The following CTNNBL1 variants were observed in gnomAD, a reference collection of about 807,000 sequenced individuals.
The protein encoded by CTNNBL1 is beta-catenin-like protein 1.
In CTNNBL1, 31 loss-of-function variants were observed where a neutral mutation model predicts 72.7. The ratio of observed to expected loss-of-function variants is 0.43; its 90% CI spans 0.32 to 0.58. The LOEUF (loss-of-function observed/expected upper bound fraction) is 0.58. CTNNBL1 is among the 20% of genes least tolerant of loss of function. CTNNBL1 has a pLI of 0.08. For missense variants in CTNNBL1, 534 were observed against 725.1 expected, an observed-to-expected ratio of 0.74 and a Z score of 3.03; for synonymous variants, 240 against 267.3, an observed-to-expected ratio of 0.90 and a Z score of 1.00.
At chr20:37,851,596 A>G (rs1433667928) in intron 13 of CTNNBL1, among the ~76,000 whole-genome samples, 2 of 152,238 alleles carry the variant, frequency 1.3e-5, no homozygotes, top group Non-Finnish European at 2.9e-5. Flanking sequence ...AGCCTTGGAA[A>G]CAAATTTGCA....
At chr20:37,762,676 T>C (rs904061798) in intron 5 of CTNNBL1, among the ~76,000 whole-genome samples, 4 of 152,166 alleles carry the variant, frequency 2.6e-5, no homozygotes, top group African/African-American at 9.7e-5. Context: ...TTAGAGGGAA[T>C]AGAATAGAAT....
At chr20:37,852,198 G>A (rs530812272) in intron 13 of CTNNBL1, among the ~76,000 whole-genome samples, 2 of 152,294 alleles carry the variant, frequency 1.3e-5, no homozygotes, top group African/African-American at 4.8e-5. Flanking sequence ...TTCAGATACA[G>A]TCCAACGTAC....
chr20:37,806,310 C>T (rs752571056), intron 11 of CTNNBL1, among the ~76,000 whole-genome samples: 2 of 152,130 alleles, frequency 1.3e-5, no homozygotes, highest in Non-Finnish European at 1.5e-5. Context: ...GAGAGCTACC[C>T]CACACTCTTC....
At chr20:37,846,876 T>C (rs2072351391) in intron 13 of CTNNBL1, among the ~76,000 whole-genome samples, 1 of 152,174 alleles carries the variant, frequency 6.6e-6, no homozygotes. Context: ...AAGAGAGCCC[T>C]ATCTCCCTAG....
intron 1 of CTNNBL1, among the ~76,000 whole-genome samples, chr20:37,714,459 T>C (rs570344492): frequency 1.3e-5 from 2 of 152,358 alleles, no homozygotes; most frequent in South Asian, 4.1e-4. Flanking sequence ...TGAATGATAG[T>C]AGCCCTAGTC....
intron 15 of CTNNBL1, among the ~76,000 whole-genome samples, chr20:37,869,458 A>G (rs905065434): frequency 1.3e-5 from 2 of 152,346 alleles, no homozygotes; most frequent in Non-Finnish European, 2.9e-5. Context: ...CAGCCATCCT[A>G]GTCACCCACT....
intron 15 of CTNNBL1, among the ~76,000 whole-genome samples, chr20:37,861,983 G>C (rs923362811): frequency 2.2e-4 from 34 of 152,188 alleles, no homozygotes; most frequent in African/African-American, 8.0e-4. Flanking sequence ...GAAGGCATAG[G>C]GGCTGGAAAT....
At chr20:37,711,263 G>C (rs1439797614) in intron 1 of CTNNBL1, among the ~76,000 whole-genome samples, 8 of 152,096 alleles carry the variant, frequency 5.3e-5, no homozygotes, top group Admixed American at 3.3e-4. Flanking sequence ...TCATTCACCA[G>C]GGGTTGGTAA....
intron 12 of CTNNBL1, among the ~76,000 whole-genome samples, chr20:37,841,357 G>C (rs574162687): frequency 1.9e-4 from 29 of 152,192 alleles, no homozygotes; most frequent in Non-Finnish European, 2.9e-4. Context: ...CTGTGCTTCG[G>C]TTTCCTCATC....
intron 5 of CTNNBL1, among the ~76,000 whole-genome samples, chr20:37,760,700 A>G (rs1347246943): frequency 1.3e-5 from 2 of 152,216 alleles, no homozygotes; most frequent in Non-Finnish European, 2.9e-5. Flanking sequence ...AACAAGTGAG[A>G]TATTTAATAA....
In CTNNBL1 at chr20:37,741,500, G is replaced by T. The variant is rs1200244894; in HGVS notation, c.326+4016G>T. Reference sequence around the variant, plus strand: ...AATATTCTGTGTCTTCCTTGATCAGGTTGGGACACCACGCTCTGTGTTCCA... The same window carrying T: ...AATATTCTGTGTCTTCCTTGATCAGTTTGGGACACCACGCTCTGTGTTCCA... On this transcript the variant is annotated intron_variant, in intron 3 of 15. Transcript: ENST00000361383. Among the ~76,000 whole-genome samples, 5 of 152,178 alleles carry T rather than the reference G, an allele frequency of 3.3e-5. No homozygotes were observed. The East Asian group carries it at 9.6e-4, about 29-fold the overall frequency.
At chr20:37,797,050 A>G (rs1160303290) in intron 10 of CTNNBL1, among the ~76,000 whole-genome samples, 2 of 152,172 alleles carry the variant, frequency 1.3e-5, no homozygotes, top group Non-Finnish European at 2.9e-5. Flanking sequence ...CTATCACTGC[A>G]TTTAGTGATA....
intron 5 of CTNNBL1, 90 bp from the exon 6 acceptor site, chr20:37,765,107 C>A (rs1646336382): frequency 2.4e-6 from 2 of 833,672 alleles, no homozygotes; most frequent in Admixed American, 2.0e-5. Context: ...TTTGTTCATT[C>A]AAATAGTGGA....
At chr20:37,709,307 T>A (rs1440359728) in intron 1 of CTNNBL1, among the ~76,000 whole-genome samples, 1 of 152,220 alleles carries the variant, frequency 6.6e-6, no homozygotes, top group African/African-American at 2.4e-5. Context: ...ATTCATGTGC[T>A]CATTCTGTTA....
At chr20:37,798,399 G>T (rs2073796975) in intron 10 of CTNNBL1, among the ~76,000 whole-genome samples, 1 of 152,202 alleles carries the variant, frequency 6.6e-6, no homozygotes, top group East Asian at 1.9e-4. Context: ...ATAGAGGCTA[G>T]CATTCACATT....
chr20:37,774,205 C>T (rs781005444), intron 7 of CTNNBL1, among the ~76,000 whole-genome samples: 4 of 152,106 alleles, frequency 2.6e-5, no homozygotes, highest in African/African-American at 9.7e-5. Context: ...TGAGCCACTG[C>T]GCCTGGCCAC....
At chr20:37,764,527 A>T (rs1395566592) in intron 5 of CTNNBL1, among the ~76,000 whole-genome samples, 3 of 152,228 alleles carry the variant, frequency 2.0e-5, no homozygotes, top group African/African-American at 7.2e-5. Flanking sequence ...CATCAGCTGT[A>T]TGATGTGGCT....
intron 13 of CTNNBL1, among the ~76,000 whole-genome samples, chr20:37,855,014 G>T (rs1272306017): frequency 6.6e-6 from 1 of 150,896 alleles, no homozygotes; most frequent in Non-Finnish European, 1.5e-5. Context: ...AATGATAGCA[G>T]TAGTTATTAT....
rs76041117 is a variant in CTNNBL1, at chr20:37,806,287, T to A, written c.1213+3239T>A. Among the ~76,000 whole-genome samples the A allele has an allele frequency of 9.1e-3, 1,380 of 152,302 alleles. 20 individuals carry two copies. Among genetic ancestry groups the A allele is most frequent in the African/African-American group, 0.031 (1,274 of 41,558 alleles). Reference sequence around the variant, plus strand: ...TGAGGCCTGGGAATCAGCTCGCCAGTCCAGAAGCTCTAGAGAGCTACCCCA... The same window carrying A: ...TGAGGCCTGGGAATCAGCTCGCCAGACCAGAAGCTCTAGAGAGCTACCCCA... On this transcript the variant is annotated intron_variant, in intron 11 of 15. Coordinates refer to ENST00000361383, the MANE Select transcript of CTNNBL1 (RefSeq NM_030877.5).
Sources: gnomAD v4.1 joint callset for allele counts (sites outside exome capture counted in the v4.1 genomes callset) on GRCh38, gnomAD v4.1.1 for gene constraint, MANE v1.5 for transcripts, NCBI Gene and HGNC (gene_info 2026-07-23, HGNC 2026-07-21) for gene names.